Variants in GPAT3 observed in about 807,000 individuals in gnomAD.
GPAT3 encodes the protein 1-AGP acyltransferase 9.
In GPAT3, 53 loss-of-function variants were observed where a neutral mutation model predicts 58.8. The observed-to-expected ratio is 0.90, with a 90% CI of 0.72 to 1.13. GPAT3 has a LOEUF of 1.13. Ranked by LOEUF, GPAT3 falls within the 50% of genes most tolerant of loss-of-function variation. The pLI is 0.00. For synonymous variants in GPAT3, 197 were observed against 187.4 expected, an observed-to-expected ratio of 1.05 and a Z score of -0.42; for missense variants, 511 against 527.6, an observed-to-expected ratio of 0.97 and a Z score of 0.31.
intron 2 of GPAT3, among the ~76,000 whole-genome samples, chr4:83,552,461 A>T (rs909200289): frequency 1.3e-5 from 2 of 152,238 alleles, no homozygotes; most frequent in Non-Finnish European, 2.9e-5. Context: ...TTTTCTAACA[A>T]ATAGGCCCTT....
chr4:83,581,923 G>A (rs1415679711), intron 3 of GPAT3, 91 bp downstream of exon 3: 3 of 1,485,090 alleles, frequency 2.0e-6, no homozygotes, highest in African/African-American at 2.8e-5. Context: ...GTTCTGTGGT[G>A]CTTATTCCAC....
Position 83,587,367 on chromosome 4 carries a change from G to A in GPAT3, c.554+38G>A, listed in dbSNP as rs376087446. 3.3e-6 allele frequency: 5 copies of A among 1,529,184 alleles called. No homozygotes were observed. The African/African-American group carries it at 5.6e-5, about 17-fold the overall frequency. 94.7% of individuals were successfully genotyped at this position (1,529,184 alleles called of 1,614,324 possible). A position where few individuals can be genotyped will look rare whatever the true frequency, so the allele number is the denominator to read the frequency against. ...CTTCCATCCAGCCATATATAGGACT[G>A]TCTTTTTTCTTAGCTGTGTCCACAA... On this transcript the variant is annotated intron_variant, in intron 4 of 11. Transcript: ENST00000264409.
intron 5 of GPAT3, 98 bp from the exon 6 acceptor site, chr4:83,590,101 C>CAT (rs1726539196): frequency 8.3e-6 from 9 of 1,090,624 alleles, no homozygotes; most frequent in African/African-American, 3.2e-5. Flanking sequence ...AAAAAAATTA[C>CAT]ATATATACAC....
At chr4:83,536,807 C>T in intron 1 of GPAT3, 44 bp downstream of exon 1, 1 of 1,561,618 alleles carries the variant, frequency 6.4e-7, no homozygotes, top group Non-Finnish European at 8.7e-7. Flanking sequence ...CCGCTGCGGG[C>T]TGAGAACCCG....
chr4:83,564,995 A>C (rs1178767139), intron 2 of GPAT3, among the ~76,000 whole-genome samples: 1 of 151,446 alleles, frequency 6.6e-6, no homozygotes. Context: ...GTCTTTCCAG[A>C]TGTCTATCTA....
At chr4:83,598,549 A>C in intron 10 of GPAT3, 95 bp from the exon 11 acceptor site, 1 of 1,056,104 alleles carries the variant, frequency 9.5e-7, no homozygotes, top group East Asian at 2.4e-5. Flanking sequence ...TGAAATATGA[A>C]TCTTATATTT....
chr4:83,551,844 C>G (rs1385884954), intron 2 of GPAT3, among the ~76,000 whole-genome samples: 3 of 145,982 alleles, frequency 2.1e-5, no homozygotes, highest in East Asian at 4.0e-4. Context: ...ATCTATCTAT[C>G]TATCTGAAGC....
chr4:83,537,563 T>A (rs549132607), intron 1 of GPAT3, among the ~76,000 whole-genome samples: 33 of 151,056 alleles, frequency 2.2e-4, no homozygotes, highest in African/African-American at 4.4e-4. Context: ...AGTCTTTTTT[T>A]AAAAAAAAAT....
chr4:83,546,072 C>A (rs1361498392), intron 2 of GPAT3, among the ~76,000 whole-genome samples: 2 of 152,166 alleles, frequency 1.3e-5, no homozygotes, highest in African/African-American at 2.4e-5. Flanking sequence ...GTAACCTCTG[C>A]CTCCCAGGTT....
chr4:83,602,049 A>G (rs989511817), intron 11 of GPAT3, among the ~76,000 whole-genome samples: 1 of 152,240 alleles, frequency 6.6e-6, no homozygotes, highest in Admixed American at 6.5e-5. Flanking sequence ...TGACAGAATC[A>G]TAGCATCACA....
chr4:83,567,433 T>C (rs1725440853), intron 2 of GPAT3, among the ~76,000 whole-genome samples: 1 of 152,228 alleles, frequency 6.6e-6, no homozygotes, highest in Non-Finnish European at 1.5e-5. Flanking sequence ...TAGTGAATTT[T>C]ATTAATAACT....
intron 11 of GPAT3, among the ~76,000 whole-genome samples, chr4:83,604,237 A>C (rs1218177644): frequency 6.6e-6 from 1 of 152,034 alleles, no homozygotes; most frequent in African/African-American, 2.4e-5. Flanking sequence ...ATGCCCAGCT[A>C]ATTTTGTATT....
At chr4:83,577,104 A>G (rs1411818384) in intron 2 of GPAT3, among the ~76,000 whole-genome samples, 1 of 152,250 alleles carries the variant, frequency 6.6e-6, no homozygotes, top group Non-Finnish European at 1.5e-5. Context: ...TTCCCAAAGT[A>G]TACAATCTGC....
chr4:83,602,909 T>C (rs1409102180), intron 11 of GPAT3, among the ~76,000 whole-genome samples: 4 of 152,206 alleles, frequency 2.6e-5, no homozygotes, highest in Non-Finnish European at 5.9e-5. Flanking sequence ...CATGAAAACC[T>C]CCCACAACTG....
At chr4:83,545,929 T>C (rs1170262093) in intron 2 of GPAT3, among the ~76,000 whole-genome samples, 1 of 152,156 alleles carries the variant, frequency 6.6e-6, no homozygotes, top group African/African-American at 2.4e-5. Flanking sequence ...TGGTACATGT[T>C]TTGGGCCATG....
At chr4:83,580,424 A>G (rs1337021993) in intron 2 of GPAT3, among the ~76,000 whole-genome samples, 1 of 152,168 alleles carries the variant, frequency 6.6e-6, no homozygotes, top group Non-Finnish European at 1.5e-5. Flanking sequence ...GATTAATTGT[A>G]ATGAAGAATG....
intron 2 of GPAT3, among the ~76,000 whole-genome samples, chr4:83,559,389 T>C (rs1431300768): frequency 1.3e-5 from 2 of 152,104 alleles, no homozygotes; most frequent in Admixed American, 6.5e-5. Context: ...AGTGACCCAG[T>C]CTCTGCTCAC....
intron 8 of GPAT3, 43 bp from the exon 9 acceptor site, chr4:83,597,387 T>A: frequency 2.0e-6 from 2 of 1,022,028 alleles, no homozygotes; most frequent in Non-Finnish European, 2.8e-6. Context: ...TTAAAATGAC[T>A]GCCTTTAAAA....
At chr4:83,583,667 G>GGAAAAAAAAAA (rs1553947553) in intron 3 of GPAT3, among the ~76,000 whole-genome samples, 4 of 23,462 alleles carry the variant, frequency 1.7e-4, no homozygotes, top group African/African-American at 7.7e-4. Context: ...ACTCTTGTCT[G>GGAAAAAAAAAA]AAAAAAAAAA....
Sources: gnomAD v4.1 joint callset for allele counts (sites outside exome capture counted in the v4.1 genomes callset) on GRCh38, gnomAD v4.1.1 for gene constraint, MANE v1.5 for transcripts, NCBI Gene and HGNC (gene_info 2026-07-23, HGNC 2026-07-21) for gene names.